Variants in ANO2 observed in about 807,000 individuals in gnomAD.
ANO2 encodes anoctamin-2.
Under a neutral mutation model 124.2 loss-of-function variants are expected in ANO2, and 101 were observed. That is an observed-to-expected ratio of 0.81 (90% CI 0.69 to 0.96). The LOEUF is 0.96. Ranked by LOEUF, ANO2 falls within the 40% of genes least tolerant of loss-of-function variation. The pLI is 0.00. For missense variants in ANO2, 1,293 were observed against 1,274.5 expected (o/e 1.01, Z -0.22); for synonymous variants, 486 against 482.5 (o/e 1.01, Z -0.09).
intron 14 of ANO2, among the ~76,000 whole-genome samples, chr12:5,722,964 C>T (rs1326677593): frequency 6.6e-6 from 1 of 152,200 alleles, no homozygotes; most frequent in Non-Finnish European, 1.5e-5. Context: ...ACAACAACGA[C>T]AACAACAAAC....
chr12:5,777,345 C>T (rs1952261706), intron 10 of ANO2, among the ~76,000 whole-genome samples: 1 of 152,090 alleles, frequency 6.6e-6, no homozygotes, highest in Non-Finnish European at 1.5e-5. Flanking sequence ...AAGCATTTGT[C>T]CTTCACCTCA....
chr12:5,737,312 T>G (rs1051430767), intron 13 of ANO2, among the ~76,000 whole-genome samples: 3 of 152,240 alleles, frequency 2.0e-5, no homozygotes, highest in African/African-American at 7.2e-5. Context: ...AGCCAGCACA[T>G]GAGCTCCTCA....
intron 14 of ANO2, among the ~76,000 whole-genome samples, chr12:5,685,905 G>A (rs772202372): frequency 1.3e-5 from 2 of 152,224 alleles, no homozygotes; most frequent in African/African-American, 2.4e-5. Context: ...TCTGGAAATA[G>A]CTGATCTGCC....
intron 7 of ANO2, among the ~76,000 whole-genome samples, chr12:5,811,740 T>G (rs1421279859): frequency 6.6e-6 from 1 of 152,158 alleles, no homozygotes; most frequent in Non-Finnish European, 1.5e-5. Flanking sequence ...CAATTGACCT[T>G]AGGAAAGATG....
At chr12:5,913,415 C>T (rs1452263463) in intron 3 of ANO2, among the ~76,000 whole-genome samples, 2 of 152,222 alleles carry the variant, frequency 1.3e-5, no homozygotes, top group Non-Finnish European at 2.9e-5. Context: ...GGCAAAAAGC[C>T]CAGAGTCCAG....
chr12:5,732,378 G>A (rs760539738), intron 14 of ANO2, 142 bp downstream of exon 14: 5 of 636,982 alleles, frequency 7.8e-6, no homozygotes, highest in Admixed American at 5.9e-5. Context: ...AGGACAATGC[G>A]AGATGTCATG....
At chr12:5,690,883 C>A (rs911620302) in intron 14 of ANO2, among the ~76,000 whole-genome samples, 2 of 152,150 alleles carry the variant, frequency 1.3e-5, no homozygotes, top group Non-Finnish European at 2.9e-5. Flanking sequence ...AATAATTTTT[C>A]AATTTCAGAT....
At chr12:5,610,603 A>C (rs1022737006) in intron 19 of ANO2, among the ~76,000 whole-genome samples, 1 of 142,862 alleles carries the variant, frequency 7.0e-6, no homozygotes, top group Admixed American at 7.2e-5. Context: ...AAATATATTT[A>C]TATTTATATA....
intron 10 of ANO2, among the ~76,000 whole-genome samples, chr12:5,797,593 C>T (rs887859566): frequency 2.0e-5 from 3 of 152,304 alleles, no homozygotes; most frequent in East Asian, 3.9e-4. Context: ...CCAGCCCTTC[C>T]ATCACTTCTC....
chr12:5,648,556 G>A (rs1441523184), intron 14 of ANO2, among the ~76,000 whole-genome samples: 1 of 152,188 alleles, frequency 6.6e-6, no homozygotes, highest in Non-Finnish European at 1.5e-5. Context: ...TCTGAGGACC[G>A]TCATTTGGTG....
At position 5,895,079 on chromosome 12, in the gene ANO2, G is replaced by A. The variant is rs368967731; in HGVS notation, c.534+25961C>T. 1.4e-4 allele frequency among the ~76,000 whole-genome samples: 21 copies of A among 152,206 alleles called. No individual in the cohort carries two copies. The East Asian group carries it at 1.9e-3, about 14-fold the overall frequency. On this transcript the variant is annotated intron_variant, in intron 3 of 24. Coordinates refer to ENST00000682330, the MANE Select transcript of ANO2 (RefSeq NM_001364791.2). ...AGCACTGAATCTATAAATTACTTTGGGCAGTATGGCCATTTTCATGATATT... is the reference window on the plus strand; with the variant it reads ...AGCACTGAATCTATAAATTACTTTGAGCAGTATGGCCATTTTCATGATATT...
chr12:5,637,225 G>A (rs1036102827), intron 15 of ANO2, among the ~76,000 whole-genome samples: 3 of 152,094 alleles, frequency 2.0e-5, no homozygotes, highest in Admixed American at 1.3e-4. Flanking sequence ...CAGATAGTAA[G>A]GGCCTAGAAA....
Position 5,908,165 on chromosome 12 carries a change from A to C in ANO2, c.534+12875T>G, listed in dbSNP as rs115073320. Reference sequence around the variant, plus strand: ...CCCGTGTCTGCAGAGAACAACAGAAAAGCACACCCATCAAATTCCACTCCT... The same window carrying C: ...CCCGTGTCTGCAGAGAACAACAGAACAGCACACCCATCAAATTCCACTCCT... On this transcript the variant is annotated intron_variant, in intron 3 of 24. Coordinates refer to ENST00000682330, the MANE Select transcript of ANO2 (RefSeq NM_001364791.2). This position sits in a 1 kb window ranked among gnomAD's most constrained non-coding sequence, Gnocchi z 4.7. Among the ~76,000 whole-genome samples, 1,735 of 152,204 alleles carry C rather than the reference A, an allele frequency of 0.011. 35 individuals carry two copies. Among genetic ancestry groups the C allele is most frequent in the African/African-American group, 0.04 (1,642 of 41,548 alleles).
chr12:5,598,517 G>T (rs1015095124), intron 20 of ANO2, among the ~76,000 whole-genome samples: 4 of 152,028 alleles, frequency 2.6e-5, no homozygotes, highest in African/African-American at 9.7e-5. Flanking sequence ...CACCATTCCT[G>T]GCTAATTTTT....
At chr12:5,730,342 C>A (rs1592009724) in intron 14 of ANO2, among the ~76,000 whole-genome samples, 1 of 152,166 alleles carries the variant, frequency 6.6e-6, no homozygotes. Context: ...TCAGGCAGAG[C>A]TGGGTTTGAT....
At chr12:5,565,756 T>C in intron 23 of ANO2, 93 bp from the exon 24 acceptor site, 1 of 1,010,050 alleles carries the variant, frequency 9.9e-7, no homozygotes. Context: ...GGCTGGAGCA[T>C]CAGGCACGCA....
chr12:5,578,262 G>A, intron 21 of ANO2, 104 bp downstream of exon 21: 2 of 1,477,882 alleles, frequency 1.4e-6, no homozygotes, highest in Non-Finnish European at 1.8e-6. Context: ...AAGGGAAGAG[G>A]GGCTTTCCCA....
At chr12:5,780,880 A>G (rs1158715017) in intron 10 of ANO2, among the ~76,000 whole-genome samples, 3 of 152,238 alleles carry the variant, frequency 2.0e-5, no homozygotes, top group African/African-American at 7.2e-5. Flanking sequence ...GGAAACCTTG[A>G]TGACTTTGTG....
chr12:5,789,158 G>A (rs1044340059), intron 10 of ANO2, among the ~76,000 whole-genome samples: 1 of 152,192 alleles, frequency 6.6e-6, no homozygotes, highest in Non-Finnish European at 1.5e-5. Flanking sequence ...AGATCTACTC[G>A]AGGCACCAGC....
Sources: gnomAD v4.1 joint callset for allele counts (sites outside exome capture counted in the v4.1 genomes callset) on GRCh38, gnomAD v4.1.1 for gene constraint, Gnocchi (gnomAD v3.1) non-coding constraint, MANE v1.5 for transcripts, NCBI Gene and HGNC (gene_info 2026-07-23, HGNC 2026-07-21) for gene names.